TG: variants seen among roughly 807,000 people sequenced by gnomAD.
TG encodes the protein thyroglobulin.
Under a neutral mutation model 324.7 loss-of-function variants are expected in TG, and 270 were observed. That is an observed-to-expected ratio of 0.83 (90% CI 0.75 to 0.92). The LOEUF (loss-of-function observed/expected upper bound fraction) is 0.92. Ranked by LOEUF, TG falls within the 40% of genes least tolerant of loss-of-function variation. TG has a pLI of 0.00. For synonymous variants in TG, 1,401 were observed against 1,327.0 expected, an observed-to-expected ratio of 1.06 and a Z score of -1.21; for missense variants, 3,591 against 3,456.4, an observed-to-expected ratio of 1.04 and a Z score of -0.98.
chr8:133,111,068 T>G (rs1437651385), intron 43 of TG, among the ~76,000 whole-genome samples: 3 of 152,234 alleles, frequency 2.0e-5, no homozygotes, highest in Non-Finnish European at 2.9e-5. Flanking sequence ...CAGTTAGCAC[T>G]TGAACCCTAA....
chr8:132,977,753 C>T (rs1830349269), intron 34 of TG, among the ~76,000 whole-genome samples: 1 of 152,136 alleles, frequency 6.6e-6, no homozygotes, highest in South Asian at 2.1e-4. Context: ...CCACCAGGTC[C>T]CTCCCACAAC....
intron 26 of TG, among the ~76,000 whole-genome samples, chr8:132,944,179 G>A (rs1001742150): frequency 6.6e-6 from 1 of 152,220 alleles, no homozygotes; most frequent in African/African-American, 2.4e-5. Context: ...CTTCTGTGAA[G>A]CTGTCACTCC....
chr8:132,888,625 G>C, intron 10 of TG, 57 bp downstream of exon 10: 1 of 1,032,154 alleles, frequency 9.7e-7, no homozygotes, highest in Non-Finnish European at 1.3e-6. Flanking sequence ...GTGTGTGTAT[G>C]TGTGTTTAAC....
In TG at chr8:132,995,179, TCA is replaced by T. The variant is rs776049531; in HGVS notation, c.6262+11769_6262+11770del. 4 of 957,000 alleles carry T rather than the reference TCA, an allele frequency of 4.2e-6. No individual in the cohort carries two copies. The East Asian group carries it at 4.7e-4, about 113-fold the overall frequency. The allele number at this position is 957,000 out of a possible 1,614,324, so 59.3% of individuals were successfully genotyped here. On this transcript the variant is annotated intron_variant, in intron 35 of 47. Transcript: ENST00000220616. ...TACTCTATGAATAACCTAGGGAAAG[TCA>T]CTGCACTGCTCTAAGCCCCAGTTTC...
chr8:132,985,114 G>A (rs1831363218), intron 35 of TG, among the ~76,000 whole-genome samples: 1 of 152,078 alleles, frequency 6.6e-6, no homozygotes. Context: ...CCATAGCCGT[G>A]TGTTCAACGA....
rs761978439 is a variant in TG, at chr8:132,913,279, C to T, written c.4378+14C>T. 1 of 1,612,648 alleles carries T rather than the reference C, an allele frequency of 6.2e-7. No homozygotes were observed. The highest frequency in any genetic ancestry group is 8.5e-7 in the Non-Finnish European group (1 of 1,179,132). ...GACTGGGATGCGGTAGGTCCACTCTCTCCCTGGATATCTCCTGTGGAGCCA... is the reference window on the plus strand; with the variant it reads ...GACTGGGATGCGGTAGGTCCACTCTTTCCCTGGATATCTCCTGTGGAGCCA... On this transcript the variant is annotated intron_variant, in intron 20 of 47. Coordinates refer to ENST00000220616, the MANE Select transcript of TG (RefSeq NM_003235.5).
At chr8:133,050,748 A>G (rs1019993701) in intron 41 of TG, 9 of 1,052,620 alleles carry the variant, frequency 8.6e-6, no homozygotes, top group Non-Finnish European at 1.3e-5. Context: ...CTAACAATCA[A>G]ATACTTTTCT....
At chr8:133,055,824 CCAG>C (rs36210010) in intron 41 of TG, among the ~76,000 whole-genome samples, 475 of 150,810 alleles carry the variant, frequency 3.1e-3, no homozygotes, top group Non-Finnish European at 4.7e-3. Flanking sequence ...CTCCTCATCA[CCAG>C]CAGCAGCAGC....
intron 11 of TG, among the ~76,000 whole-genome samples, chr8:132,894,482 G>A (rs1466053970): frequency 2.0e-5 from 3 of 147,316 alleles, no homozygotes; most frequent in Non-Finnish European, 4.5e-5. Context: ...TTTTTGAGAC[G>A]GAGTCTTGCT....
intron 26 of TG, among the ~76,000 whole-genome samples, chr8:132,941,777 C>T (rs1316343602): frequency 6.6e-6 from 1 of 152,202 alleles, no homozygotes. Context: ...TTTCTGCTGT[C>T]TTTACGGGGC....
At chr8:133,070,029 A>AAG (rs1564149270) in intron 41 of TG, among the ~76,000 whole-genome samples, 1 of 109,812 alleles carries the variant, frequency 9.1e-6, no homozygotes, top group Non-Finnish European at 1.7e-5. Context: ...AAAAAAAAGA[A>AAG]AGAAAGAAAG....
chr8:133,129,440 T>C (rs765442664), intron 45 of TG, among the ~76,000 whole-genome samples: 2 of 152,238 alleles, frequency 1.3e-5, no homozygotes, highest in Non-Finnish European at 2.9e-5. Flanking sequence ...ATTTACACTG[T>C]AAAAATTGGC....
chr8:132,915,883 C>G (rs565041523), intron 20 of TG, among the ~76,000 whole-genome samples: 1 of 152,344 alleles, frequency 6.6e-6, no homozygotes, highest in East Asian at 1.9e-4. Context: ...CATCCTCTTA[C>G]TCCAAAGGGT....
intron 41 of TG, among the ~76,000 whole-genome samples, chr8:133,084,747 G>A (rs1252740400): frequency 6.6e-6 from 1 of 152,228 alleles, no homozygotes; most frequent in Non-Finnish European, 1.5e-5. Flanking sequence ...ACCCCTTAGA[G>A]CGCTCCCCCA....
At chr8:133,096,470 C>A in intron 43 of TG, 97 bp downstream of exon 43, 5 of 1,460,170 alleles carry the variant, frequency 3.4e-6, no homozygotes, top group South Asian at 1.2e-5. Flanking sequence ...TGACCAATTG[C>A]TGAGTAACTA....
chr8:132,947,700 G>T (rs1162704595), intron 26 of TG, among the ~76,000 whole-genome samples: 1 of 151,832 alleles, frequency 6.6e-6, no homozygotes, highest in African/African-American at 2.4e-5. Context: ...TTATCCAAAT[G>T]GCATAGATAT....
chr8:132,929,146 A>T lies in TG; in HGVS notation c.4770A>T (p.Arg1590Ser). The change falls in exon 23 of 48, where the codon AGA becomes AGT. Residue 1590 changes from arginine to serine, a missense_variant. Coordinates refer to ENST00000220616, the MANE Select transcript of TG (RefSeq NM_003235.5). ...IFDANAPVAVRSKVPDSEFPV... is the reference protein window; with the variant it reads ...IFDANAPVAVSSKVPDSEFPV... ...ACGCCAATGCTCCTGTGGCTGTCAG[A>T]TCCAAAGTTCCTGATTCTGAGTTCC... The T allele has an allele frequency of 6.2e-7, 1 of 1,614,160 alleles. No individual in the cohort carries two copies. Among genetic ancestry groups the T allele is most frequent in the Non-Finnish European group, 8.5e-7 (1 of 1,180,026 alleles).
At chr8:133,057,748 A>C (rs1413243224) in intron 41 of TG, among the ~76,000 whole-genome samples, 1 of 151,062 alleles carries the variant, frequency 6.6e-6, no homozygotes, top group East Asian at 2.0e-4. Context: ...AATATTCTGG[A>C]AATCTTAGTT....
At chr8:133,055,997 G>C (rs1029812928) in intron 41 of TG, among the ~76,000 whole-genome samples, 2 of 152,080 alleles carry the variant, frequency 1.3e-5, no homozygotes, top group African/African-American at 4.8e-5. Context: ...TGAGGAAATA[G>C]AGGCACAGTG....
Sources: gnomAD v4.1 joint callset for allele counts (sites outside exome capture counted in the v4.1 genomes callset) on GRCh38, gnomAD v4.1.1 for gene constraint, MANE v1.5 for transcripts, NCBI Gene and HGNC (gene_info 2026-07-23, HGNC 2026-07-21) for gene names.